Variants in PEX1 observed in about 807,000 individuals in gnomAD.
PEX1 encodes peroxisomal biogenesis factor 1.
Under a neutral mutation model 152.5 loss-of-function variants are expected in PEX1, and 97 were observed. The ratio of observed to expected loss-of-function variants is 0.64; its 90% CI spans 0.54 to 0.75. PEX1 has a LOEUF of 0.75. Among genes scored for constraint, PEX1 ranks in the 30% least tolerant of loss-of-function variants. PEX1 has a pLI of 0.00. For missense variants in PEX1, 1,357 were observed against 1,516.3 expected, an observed-to-expected ratio of 0.89 and a Z score of 1.74; for synonymous variants, 485 against 531.6, an observed-to-expected ratio of 0.91 and a Z score of 1.21.
chr7:92,512,093 C>A (rs1287218078), intron 6 of PEX1, among the ~76,000 whole-genome samples: 2 of 151,254 alleles, frequency 1.3e-5, no homozygotes, highest in Non-Finnish European at 3.0e-5. Context: ...AGTGCAGTGG[C>A]GCAGTCTCCA....
intron 5 of PEX1, among the ~76,000 whole-genome samples, chr7:92,516,011 G>A (rs1291328419): frequency 1.3e-5 from 1 of 75,130 alleles, no homozygotes; most frequent in Non-Finnish European, 2.8e-5. Context: ...GAAAAGAAAA[G>A]AGAAGAGAAG....
At chr7:92,511,141 CTTT>C (rs5885807) in intron 7 of PEX1, 94 bp from the exon 8 acceptor site, 91 of 604,556 alleles carry the variant, frequency 1.5e-4, no homozygotes, top group African/African-American at 2.1e-4. Flanking sequence ...AAGTTAAAGA[CTTT>C]TTTTTTTTTC....
rs1281752644 is a variant in PEX1 at position 92,507,277 on chromosome 7, C to T, written c.1671-151G>A. ...TTTTTGAGAAAGGGGCTTGCTGTGT[C>T]ATCCAGGCTGGAGCGCAGTGGTGTG... On this transcript the variant is annotated intron_variant, in intron 9 of 23. Transcript: ENST00000248633. The T allele has an allele frequency of 1.4e-5, 9 of 649,130 alleles. No individual in the cohort carries two copies. In the East Asian group the frequency reaches 2.4e-4, roughly 18 times the overall value. The allele number at this position is 649,130 out of a possible 1,614,324, so 40.2% of individuals were successfully genotyped here.
intron 9 of PEX1, chr7:92,507,452 T>A: frequency 3.6e-6 from 1 of 278,478 alleles, no homozygotes. Context: ...GGTTTTGCCA[T>A]GTTGCCCAGG....
intron 5 of PEX1, among the ~76,000 whole-genome samples, chr7:92,515,948 G>A (rs1438910050): frequency 6.7e-6 from 1 of 149,896 alleles, no homozygotes; most frequent in African/African-American, 2.5e-5. Context: ...GAGTGGAGGT[G>A]GTGCCACTGC....
chr7:92,502,059 C>T lies in PEX1; in HGVS notation c.2247G>A (p.Leu749=), dbSNP rs1476450616. 3 of 1,604,648 alleles carry T rather than the reference C, an allele frequency of 1.9e-6. No homozygotes were observed. Among genetic ancestry groups the T allele is most frequent in the East Asian group, 2.2e-5 (1 of 44,824 alleles). Reference sequence around the variant, plus strand: ...CCAATTTATTTTTTATTACATTACACAGAATTTCACATCTTTGTTCCTAAA... The same window carrying T: ...CCAATTTATTTTTTATTACATTACATAGAATTTCACATCTTTGTTCCTAAA... ...PPNQEQRCEI[L]CNVIKNKLDC... Residue 749 remains leucine, a synonymous_variant, in exon 14 of 24, where the codon CTG becomes CTA. Coordinates refer to ENST00000248633, the MANE Select transcript of PEX1 (RefSeq NM_000466.3).
rs780119112 is a variant in PEX1, at chr7:92,517,712, G to C, written c.803C>G (p.Thr268Ser). 14 of 1,612,792 alleles carry C rather than the reference G, an allele frequency of 8.7e-6. No individual in the cohort carries two copies. The East Asian group carries it at 1.1e-4, about 13-fold the overall frequency. ...CATATTTTTGAATGCATTGATTTCAGTTAAACCCCAAGATGTCTCTTGTTT... is the reference window on the plus strand; with the variant it reads ...CATATTTTTGAATGCATTGATTTCACTTAAACCCCAAGATGTCTCTTGTTT... ...EKKQETSWGLTEINAFKNMQS... is the reference protein window; with the variant it reads ...EKKQETSWGLSEINAFKNMQS... The change falls in exon 5 of 24, where the codon ACT becomes AGT. Residue 268 changes from threonine (T) to serine (S), a missense_variant. Transcript: ENST00000248633.
chr7:92,506,658 T>C lies in PEX1; in HGVS notation c.1804-314A>G, dbSNP rs12055948. On this transcript the variant is annotated intron_variant, in intron 10 of 23. Transcript: ENST00000248633. ...AGAATGATACACCACAACTACGTGG[T>C]ATTTATCACAGGTATGCAAGGCTGG... 2.5e-4 allele frequency: 125 copies of C among 496,130 alleles called. 1 individual carries two copies. The East Asian group carries it at 4.5e-3, about 18-fold the overall frequency. The allele number at this position is 496,130 out of a possible 1,614,324, so 30.7% of individuals were successfully genotyped here.
chr7:92,507,264 G>T, intron 9 of PEX1, 138 bp from the exon 10 acceptor site: 1 of 710,754 alleles, frequency 1.4e-6, no homozygotes, highest in Non-Finnish European at 2.2e-6. Flanking sequence ...TTTGAGAAAG[G>T]GGCTTGCTGT....
At chr7:92,501,834 C>A (rs1227830335) in intron 14 of PEX1, 56 bp downstream of exon 14, 1 of 1,486,710 alleles carries the variant, frequency 6.7e-7, no homozygotes, top group African/African-American at 1.4e-5. Context: ...ACTACAATTA[C>A]ATTTCTCCAC....
chr7:92,491,750 G>A (rs1186573602), intron 20 of PEX1: 1 of 464,922 alleles, frequency 2.2e-6, no homozygotes, highest in Non-Finnish European at 3.9e-6. Flanking sequence ...ATGAAGCTAA[G>A]ACTCAGACCT....
chr7:92,489,888 T>C lies in PEX1; in HGVS notation c.3462A>G (p.Pro1154=). The change falls in exon 22 of 24, where the codon CCA becomes CCG. Residue 1154 remains proline (P), a synonymous_variant. Coordinates refer to ENST00000248633, the MANE Select transcript of PEX1 (RefSeq NM_000466.3). ...SDLSSQCLSA[P]SSMTQDLPGV... ...CAGGCAAATCCTGAGTCATGGAGCT[T>C]GGTGCAGAGAGACATTGTGAGCTCT... is the stretch of plus-strand genomic sequence containing the variant. The C allele has an allele frequency of 6.2e-7, 1 of 1,614,034 alleles. No individual in the cohort carries two copies. Among genetic ancestry groups the C allele is most frequent in the Non-Finnish European group, 8.5e-7 (1 of 1,179,968 alleles).
chr7:92,513,138 A>G (rs1317390860), intron 6 of PEX1, among the ~76,000 whole-genome samples: 3 of 152,360 alleles, frequency 2.0e-5, no homozygotes, highest in East Asian at 3.9e-4. Context: ...ATTGGCAAAT[A>G]TAAGTATTTG....
intron 9 of PEX1, 120 bp from the exon 10 acceptor site, chr7:92,507,246 T>G (rs1402468237): frequency 2.1e-5 from 7 of 335,026 alleles, no homozygotes; most frequent in Non-Finnish European, 3.2e-5. Flanking sequence ...ATTTTTTATC[T>G]TTTTTTTTTT....
intron 16 of PEX1, 69 bp from the exon 17 acceptor site, chr7:92,496,846 G>A: frequency 1.1e-6 from 1 of 950,712 alleles, no homozygotes; most frequent in Non-Finnish European, 1.7e-6. Flanking sequence ...TTCTGACTAA[G>A]TCTAAATGAA....
intron 6 of PEX1, among the ~76,000 whole-genome samples, chr7:92,512,319 G>C (rs1324968270): frequency 6.6e-6 from 1 of 151,726 alleles, no homozygotes; most frequent in African/African-American, 2.4e-5. Context: ...ACCACGTCTG[G>C]CCTAATAATC....
chr7:92,511,465 CATAATT>C (rs1792463087), intron 7 of PEX1, 109 bp downstream of exon 7: 2 of 850,996 alleles, frequency 2.4e-6, no homozygotes, highest in African/African-American at 3.4e-5. Context: ...GTTTAATTAT[CATAATT>C]ATATTTCACT....
chr7:92,513,928 G>T lies in PEX1; in HGVS notation c.1279C>A (p.His427Asn), dbSNP rs2116221515. 2 of 1,589,630 alleles carry T rather than the reference G, an allele frequency of 1.3e-6. No homozygotes were observed. The highest frequency in any genetic ancestry group is 2.2e-5 in the South Asian group (2 of 90,118). Residue 427 changes from histidine to asparagine, a missense_variant, in exon 6 of 24, where the codon CAT (histidine) becomes AAT (asparagine). By Grantham distance (68) the His-to-Asn change is moderately conservative. Transcript: ENST00000248633. ...DLRKRLNIEM[H>N]AVVRITPVEV... ...ACTGGAGTTATCCTGACTACGGCAT[G>T]CATTTCTATATTTAGTCTCTTCCTC... is the stretch of plus-strand genomic sequence containing the variant.
rs1018894128 is a variant in PEX1 at position 92,502,957 on chromosome 7, T to C, written c.2226+84A>G. On this transcript the variant is annotated intron_variant, in intron 13 of 23. Coordinates refer to ENST00000248633, the MANE Select transcript of PEX1 (RefSeq NM_000466.3). ...AAAATCATTAAGAGAAGCATAAATT[T>C]AAAGCCACGAATTACTAATAAAATT... The C allele has an allele frequency of 5.9e-6, 7 of 1,177,772 alleles. No homozygotes were observed. The African/African-American group carries it at 1.1e-4, about 18-fold the overall frequency. 73.0% of individuals were successfully genotyped at this position (1,177,772 alleles called of 1,614,324 possible).
Sources: gnomAD v4.1 joint callset for allele counts (sites outside exome capture counted in the v4.1 genomes callset) on GRCh38, gnomAD v4.1.1 for gene constraint, MANE v1.5 for transcripts, NCBI Gene and HGNC (gene_info 2026-07-23, HGNC 2026-07-21) for gene names.